EPHB1: variants seen among roughly 807,000 people sequenced by gnomAD.
The protein encoded by EPHB1 is EPH receptor B1.
EPHB1 carries 30 observed loss-of-function variants against 94.4 expected under a neutral mutation model. That is an observed-to-expected ratio of 0.32 (90% CI 0.24 to 0.43). EPHB1 has a LOEUF of 0.43. EPHB1 is among the 20% of genes least tolerant of loss of function. EPHB1 has a pLI of 1.00. For missense variants in EPHB1, 1,055 were observed against 1,308.3 expected (o/e 0.81, Z 2.99); for synonymous variants, 522 against 489.1 (o/e 1.07, Z -0.89).
At chr3:135,015,989 G>A (rs1935785234) in intron 3 of EPHB1, among the ~76,000 whole-genome samples, 1 of 152,214 alleles carries the variant, frequency 6.6e-6, no homozygotes, top group African/African-American at 2.4e-5. Context: ...GAGTGGTTGA[G>A]ATGAGGTCTG....
chr3:134,924,763 T>C (rs2038756380), intron 1 of EPHB1, among the ~76,000 whole-genome samples: 1 of 152,204 alleles, frequency 6.6e-6, no homozygotes, highest in Non-Finnish European at 1.5e-5. Flanking sequence ...TGAATAATTC[T>C]TAATATAATT....
intron 1 of EPHB1, among the ~76,000 whole-genome samples, chr3:134,821,939 G>T (rs147713936): frequency 6.6e-6 from 1 of 152,314 alleles, no homozygotes; most frequent in Non-Finnish European, 1.5e-5. Context: ...TGGGTTAACA[G>T]CAGAGTGGCC....
intron 3 of EPHB1, among the ~76,000 whole-genome samples, chr3:135,059,247 G>A (rs964268929): frequency 1.2e-4 from 18 of 152,156 alleles, no homozygotes; most frequent in Non-Finnish European, 2.1e-4. Context: ...GCCCTTTCTG[G>A]GTGAAACACA....
At chr3:135,154,566 G>T (rs1941294705) in intron 6 of EPHB1, among the ~76,000 whole-genome samples, 1 of 152,304 alleles carries the variant, frequency 6.6e-6, no homozygotes, top group African/African-American at 2.4e-5. Flanking sequence ...TCACATGTTT[G>T]ATATACTAAT....
intron 1 of EPHB1, among the ~76,000 whole-genome samples, chr3:134,877,965 C>T (rs1366148111): frequency 1.3e-5 from 2 of 152,352 alleles, no homozygotes; most frequent in Middle Eastern, 6.8e-3. Flanking sequence ...GGAGTGAATC[C>T]CACACAGTCC....
At chr3:134,970,521 A>T (rs572005473) in intron 3 of EPHB1, among the ~76,000 whole-genome samples, 1 of 152,130 alleles carries the variant, frequency 6.6e-6, no homozygotes, top group South Asian at 2.1e-4. Context: ...AGCTTTACTG[A>T]TTTATGATGT....
chr3:135,061,888 G>T (rs1937516174), intron 3 of EPHB1, among the ~76,000 whole-genome samples: 1 of 152,034 alleles, frequency 6.6e-6, no homozygotes, highest in African/African-American at 2.4e-5. Context: ...GCGAATGATG[G>T]TTTCCAGCTT....
intron 1 of EPHB1, among the ~76,000 whole-genome samples, chr3:134,884,030 G>A (rs1009246306): frequency 1.3e-5 from 2 of 152,212 alleles, no homozygotes; most frequent in Non-Finnish European, 2.9e-5. Flanking sequence ...GGTGGCAAGC[G>A]GGATGGTATT....
intron 15 of EPHB1, among the ~76,000 whole-genome samples, chr3:135,253,284 G>A (rs1460396740): frequency 6.6e-6 from 1 of 151,356 alleles, no homozygotes. Context: ...TGAAGTCCTT[G>A]CCCATGCCTA....
At chr3:135,039,536 C>T (rs1407585177) in intron 3 of EPHB1, among the ~76,000 whole-genome samples, 1 of 152,232 alleles carries the variant, frequency 6.6e-6, no homozygotes, top group Non-Finnish European at 1.5e-5. Context: ...GGGTGGGAGG[C>T]TCAGGCATGG....
chr3:135,056,749 C>G (rs745332266), intron 3 of EPHB1, among the ~76,000 whole-genome samples: 7 of 152,234 alleles, frequency 4.6e-5, no homozygotes, highest in Non-Finnish European at 1.0e-4. Context: ...TTTCTTGGAG[C>G]CCTCGCAGAC....
intron 4 of EPHB1, among the ~76,000 whole-genome samples, chr3:135,113,552 T>C (rs1023870809): frequency 1.9e-4 from 29 of 152,238 alleles, no homozygotes; most frequent in African/African-American, 7.0e-4. Context: ...CCACTTTTAT[T>C]GTTCTGAGCA....
intron 1 of EPHB1, among the ~76,000 whole-genome samples, chr3:134,910,335 G>A (rs568482417): frequency 6.6e-6 from 1 of 152,290 alleles, no homozygotes; most frequent in Admixed American, 6.5e-5. Context: ...GCCCCCCACT[G>A]TGGAAAACCA....
intron 3 of EPHB1, among the ~76,000 whole-genome samples, chr3:134,972,947 G>C (rs1336021305): frequency 6.6e-6 from 1 of 152,212 alleles, no homozygotes; most frequent in Non-Finnish European, 1.5e-5. Flanking sequence ...TATGTCCCTT[G>C]TGTTCCTGCA....
In EPHB1 at chr3:135,002,566, T is replaced by C. The variant is rs373600544; in HGVS notation, c.805+50514T>C. Among the ~76,000 whole-genome samples, 1,181 of 135,296 alleles carry C rather than the reference T, an allele frequency of 8.7e-3. 10 individuals carry two copies. The highest frequency in any genetic ancestry group is 0.019 in the African/African-American group (769 of 39,628). The allele number at this position is 135,296 out of a possible 152,430, so 88.8% of individuals were successfully genotyped here. ...TCCTCCTTGTACCTCTGGTAGAATT[T>C]GGCTGTGAATCCATCTGGTCCTGGA... On this transcript the variant is annotated intron_variant, in intron 3 of 15. Coordinates refer to ENST00000398015, the MANE Select transcript of EPHB1 (RefSeq NM_004441.5).
At chr3:135,008,320 A>G (rs144468263) in intron 3 of EPHB1, among the ~76,000 whole-genome samples, 11 of 152,344 alleles carry the variant, frequency 7.2e-5, no homozygotes, top group Non-Finnish European at 1.5e-5. Flanking sequence ...TATAAGGCAA[A>G]TATCATTATT....
At chr3:135,058,978 G>C (rs1490550184) in intron 3 of EPHB1, among the ~76,000 whole-genome samples, 1 of 152,230 alleles carries the variant, frequency 6.6e-6, no homozygotes, top group Admixed American at 6.5e-5. Flanking sequence ...ATACAATTTG[G>C]AGAAGGGGTT....
chr3:135,153,173 A>T (rs1199955436), intron 5 of EPHB1, among the ~76,000 whole-genome samples: 1 of 152,154 alleles, frequency 6.6e-6, no homozygotes, highest in Non-Finnish European at 1.5e-5. Context: ...AATTGAGGAT[A>T]GTAAATGTCA....
intron 3 of EPHB1, among the ~76,000 whole-genome samples, chr3:135,060,172 A>G (rs1381084469): frequency 6.6e-6 from 1 of 152,254 alleles, no homozygotes; most frequent in Admixed American, 6.5e-5. Context: ...CTTGTTAACA[A>G]TCACACGACA....
Sources: gnomAD v4.1 joint callset for allele counts (sites outside exome capture counted in the v4.1 genomes callset) on GRCh38, gnomAD v4.1.1 for gene constraint, MANE v1.5 for transcripts, NCBI Gene and HGNC (gene_info 2026-07-23, HGNC 2026-07-21) for gene names.